CTDSPL2: variants seen among roughly 807,000 people sequenced by gnomAD.
CTDSPL2 encodes CTD small phosphatase-like protein 2.
CTDSPL2 carries 5 observed loss-of-function variants against 60.0 expected under a neutral mutation model. That is an observed-to-expected ratio of 0.08 (90% CI 0.04 to 0.18). The LOEUF (loss-of-function observed/expected upper bound fraction) is 0.18, where lower values mean the gene tolerates loss of function less well. Ranked by LOEUF, CTDSPL2 falls within the 10% of genes least tolerant of loss-of-function variation. The pLI is 1.00. For synonymous variants in CTDSPL2, 186 were observed against 189.3 expected (o/e 0.98, Z 0.14); for missense variants, 370 against 548.8 (o/e 0.67, Z 3.26).
rs1233100845 is a variant in CTDSPL2 at position 44,525,341 on chromosome 15, A to G, written c.*1167A>G. On this transcript the variant is annotated 3_prime_UTR_variant, in exon 13 of 13. Transcript: ENST00000260327. ...TCTCATAGTGGTTTTTCTATGCTAT[A>G]TGAAAATAGTCTTCAAGCCTTGGTT... The G allele has an allele frequency of 1.0e-5, 4 of 398,582 alleles. No individual in the cohort carries two copies. In the East Asian group the frequency reaches 1.1e-4, roughly 11 times the overall value. The allele number at this position is 398,582 out of a possible 1,614,324, so 24.7% of individuals were successfully genotyped here.
chr15:44,507,198 C>T (rs2081484345), intron 8 of CTDSPL2, among the ~76,000 whole-genome samples: 1 of 152,126 alleles, frequency 6.6e-6, no homozygotes, highest in African/African-American at 2.4e-5. Flanking sequence ...GATTCTCCTG[C>T]CTCAGCCTTC....
Position 44,526,426 on chromosome 15 carries a change from T to G in CTDSPL2, c.*2252T>G, listed in dbSNP as rs557789844. 1.3e-5 allele frequency: 2 copies of G among 152,276 alleles called. No individual in the cohort carries two copies. The highest frequency in any genetic ancestry group is 4.1e-4 in the South Asian group (2 of 4,828). 9.4% of individuals were successfully genotyped at this position (152,276 alleles called of 1,614,324 possible). A position where few individuals can be genotyped will look rare whatever the true frequency, so the allele number is the denominator to read the frequency against. ...AATAAAAACCAACTTTTTAAACTAA[T>G]CATCTTTTATCAATGATAAAGTTGT... On this transcript the variant is annotated 3_prime_UTR_variant, in exon 13 of 13. Coordinates refer to ENST00000260327, the MANE Select transcript of CTDSPL2 (RefSeq NM_016396.3).
At position 44,433,496 on chromosome 15, in the gene CTDSPL2, C is replaced by T. The variant is rs574411972; in HGVS notation, c.-25+5724C>T. 7.3e-3 allele frequency among the ~76,000 whole-genome samples: 1,104 copies of T among 150,802 alleles called. 11 individuals are homozygous for T. Among genetic ancestry groups the T allele is most frequent in the African/African-American group, 0.026 (1,057 of 41,132 alleles). On this transcript the variant is annotated intron_variant, in intron 1 of 12. Coordinates refer to ENST00000260327, the MANE Select transcript of CTDSPL2 (RefSeq NM_016396.3). ...CACACACACACACACACTTTTTTTT[C>T]TCTTGAGATGGACTCTCACTCTGTT...
At chr15:44,472,989 G>A (rs1567079740) in intron 2 of CTDSPL2, among the ~76,000 whole-genome samples, 1 of 152,168 alleles carries the variant, frequency 6.6e-6, no homozygotes, top group South Asian at 2.1e-4. Flanking sequence ...TAGAGACAGG[G>A]TTTCACTATG....
At chr15:44,448,420 G>T in intron 1 of CTDSPL2, 1 of 247,090 alleles carries the variant, frequency 4.0e-6, no homozygotes, top group Non-Finnish European at 8.1e-6. Flanking sequence ...GCCCAGGCCT[G>T]GACTCATGCA....
intron 1 of CTDSPL2, among the ~76,000 whole-genome samples, chr15:44,438,945 A>G (rs1595693907): frequency 6.6e-6 from 1 of 152,240 alleles, no homozygotes; most frequent in Non-Finnish European, 1.5e-5. Context: ...CCAGATCACA[A>G]CCAGTGTTGT....
At chr15:44,522,955 C>G (rs2081807528) in intron 12 of CTDSPL2, among the ~76,000 whole-genome samples, 1 of 152,028 alleles carries the variant, frequency 6.6e-6, no homozygotes, top group African/African-American at 2.4e-5. Flanking sequence ...CTTGATGAAA[C>G]TTTGGCAGGA....
At chr15:44,467,694 C>T (rs1263312015) in intron 2 of CTDSPL2, among the ~76,000 whole-genome samples, 1 of 152,172 alleles carries the variant, frequency 6.6e-6, no homozygotes, top group African/African-American at 2.4e-5. Context: ...CTGCCTTAGT[C>T]TCCCAAGTAA....
At chr15:44,448,633 C>T in intron 1 of CTDSPL2, 1 of 315,484 alleles carries the variant, frequency 3.2e-6, no homozygotes. Context: ...ATGGGGGTCC[C>T]TCCTCCATTT....
intron 1 of CTDSPL2, among the ~76,000 whole-genome samples, chr15:44,430,483 G>A (rs955720584): frequency 2.6e-5 from 4 of 152,040 alleles, no homozygotes; most frequent in African/African-American, 9.7e-5. Flanking sequence ...CTGGCTACAA[G>A]CAATCGTCCT....
chr15:44,522,381 T>C (rs1347666239), intron 12 of CTDSPL2, among the ~76,000 whole-genome samples: 1 of 152,204 alleles, frequency 6.6e-6, no homozygotes, highest in East Asian at 1.9e-4. Flanking sequence ...TTATCAGTAC[T>C]TAAGAATTTA....
Position 44,459,140 on chromosome 15 carries a change from G to C in CTDSPL2, c.126G>C (p.Ser42=). The C allele has an allele frequency of 6.2e-7, 1 of 1,612,672 alleles. No homozygotes were observed. The highest frequency in any genetic ancestry group is 8.5e-7 in the Non-Finnish European group (1 of 1,179,362). The change falls in exon 2 of 13, where the codon TCG becomes TCC. Residue 42 remains serine (S), a synonymous_variant. Coordinates refer to ENST00000260327, the MANE Select transcript of CTDSPL2 (RefSeq NM_016396.3). ...TGCCTTCAGGAGGAGAAAAACCATC[G>C]AAGAATGAAACCGGCTTGTTGTCTT... ...DSLPSGGEKP[S]KNETGLLSSI...
At chr15:44,494,075 A>G (rs566291727) in intron 5 of CTDSPL2, among the ~76,000 whole-genome samples, 6 of 152,152 alleles carry the variant, frequency 3.9e-5, no homozygotes, top group Non-Finnish European at 8.8e-5. Flanking sequence ...GACTATAGAA[A>G]TTTTTATTGG....
chr15:44,442,495 G>C (rs1440982987), intron 1 of CTDSPL2, among the ~76,000 whole-genome samples: 1 of 151,402 alleles, frequency 6.6e-6, no homozygotes, highest in Non-Finnish European at 1.5e-5. Flanking sequence ...GAATTAAGAT[G>C]AAGTATTTTA....
Position 44,524,866 on chromosome 15 carries a change from T to G in CTDSPL2, c.*692T>G, listed in dbSNP as rs1293942797. 6.5e-6 allele frequency: 1 copy of G among 152,772 alleles called. No individual in the cohort carries two copies. The highest frequency in any genetic ancestry group is 2.4e-5 in the African/African-American group (1 of 41,466). 9.5% of individuals were successfully genotyped at this position (152,772 alleles called of 1,614,324 possible). A position where few individuals can be genotyped will look rare whatever the true frequency, so the allele number is the denominator to read the frequency against. Reference sequence around the variant, plus strand: ...AGTTTCATTTAGAAAGACATGCATTTATATTTTGTTTCTGTAATATTCTAC... The same window carrying G: ...AGTTTCATTTAGAAAGACATGCATTGATATTTTGTTTCTGTAATATTCTAC... On this transcript the variant is annotated 3_prime_UTR_variant, in exon 13 of 13. Transcript: ENST00000260327.
At chr15:44,493,957 TACAC>T (rs1201030195) in intron 5 of CTDSPL2, among the ~76,000 whole-genome samples, 1 of 152,174 alleles carries the variant, frequency 6.6e-6, no homozygotes, top group Non-Finnish European at 1.5e-5. Context: ...CCATTGGACA[TACAC>T]ACCACGTTGA....
At chr15:44,428,551 A>G (rs1244784637) in intron 1 of CTDSPL2, among the ~76,000 whole-genome samples, 1 of 152,234 alleles carries the variant, frequency 6.6e-6, no homozygotes, top group East Asian at 1.9e-4. Context: ...TAAACACTTC[A>G]GCGTACCTTA....
chr15:44,441,247 A>T lies in CTDSPL2; in HGVS notation c.-25+13475A>T, dbSNP rs184062596. 9.6e-4 allele frequency among the ~76,000 whole-genome samples: 146 copies of T among 151,946 alleles called. 1 individual carries two copies. The East Asian group carries it at 0.023, about 24-fold the overall frequency. On this transcript the variant is annotated intron_variant, in intron 1 of 12. Transcript: ENST00000260327. ...GTTTTTTTTTCTTTCACTCCCCCGC[A>T]TTCACTTGTGCCTTGCGGGTAACTG...
chr15:44,511,865 C>T (rs1230341881), intron 8 of CTDSPL2, among the ~76,000 whole-genome samples: 1 of 96,560 alleles, frequency 1.0e-5, no homozygotes, highest in Admixed American at 1.2e-4. Flanking sequence ...GAGACGGTCT[C>T]GCAAAAAAAA....
Sources: allele counts gnomAD v4.1 joint callset (sites outside exome capture counted in the v4.1 genomes callset), GRCh38; gene constraint gnomAD v4.1.1; transcripts MANE v1.5; gene names NCBI Gene and HGNC (gene_info 2026-07-23, HGNC 2026-07-21).